ZNF827: variants seen among roughly 807,000 people sequenced by gnomAD.
The protein encoded by ZNF827 is zinc finger protein 827.
A neutral mutation model predicts 102.4 loss-of-function variants in ZNF827; 13 were observed. The observed-to-expected ratio is 0.13, with a 90% CI of 0.08 to 0.20. ZNF827 has a LOEUF of 0.20. Ranked by LOEUF, ZNF827 falls within the 10% of genes least tolerant of loss-of-function variation. The probability of loss-of-function intolerance (pLI) is 1.00; values close to 1 mark genes in which losing one functional copy is unlikely to be tolerated. For missense variants in ZNF827, 1,103 were observed against 1,344.4 expected (o/e 0.82, Z 2.81); for synonymous variants, 523 against 536.2 (o/e 0.98, Z 0.34).
intron 5 of ZNF827, among the ~76,000 whole-genome samples, chr4:145,863,050 T>C (rs1450072211): frequency 6.6e-6 from 1 of 152,000 alleles, no homozygotes; most frequent in African/African-American, 2.4e-5. Context: ...CACTCAAGAA[T>C]AAAAACAAAT....
intron 5 of ZNF827, among the ~76,000 whole-genome samples, chr4:145,858,134 A>AGTGTGTGT (rs10553157): frequency 6.8e-5 from 10 of 146,996 alleles, no homozygotes; most frequent in Non-Finnish European, 7.6e-5. Context: ...TGCATGTGTG[A>AGTGTGTGT]GTGTGTGTGT....
chr4:145,918,802 G>A (rs183924643), intron 1 of ZNF827, among the ~76,000 whole-genome samples: 1 of 152,298 alleles, frequency 6.6e-6, no homozygotes, highest in East Asian at 1.9e-4. Context: ...ATAAAGACAA[G>A]GAAGGGTTCC....
intron 4 of ZNF827, among the ~76,000 whole-genome samples, chr4:145,874,032 A>C (rs1344601577): frequency 2.0e-5 from 3 of 152,170 alleles, no homozygotes; most frequent in African/African-American, 7.2e-5. Flanking sequence ...AAAAAAAAAA[A>C]ACTATTGAGG....
At chr4:145,855,725 A>T (rs1346181054) in intron 5 of ZNF827, among the ~76,000 whole-genome samples, 1 of 152,228 alleles carries the variant, frequency 6.6e-6, no homozygotes, top group Non-Finnish European at 1.5e-5. Context: ...TTTATTCCAC[A>T]GAAGTCTGAA....
chr4:145,831,570 G>A, intron 7 of ZNF827: 1 of 152,200 alleles, frequency 6.6e-6, no homozygotes, highest in Non-Finnish European at 1.5e-5. Flanking sequence ...AGCTAAGATG[G>A]GTTTCCTCTC....
chr4:145,932,614 T>A lies in ZNF827; in HGVS notation c.43+5751A>T, dbSNP rs190001730. 5.3e-5 allele frequency among the ~76,000 whole-genome samples: 8 copies of A among 152,112 alleles called. No homozygotes were observed. In the East Asian group the frequency reaches 1.4e-3, roughly 26 times the overall value. On this transcript the variant is annotated intron_variant, in intron 1 of 14. Transcript: ENST00000508784. ...CTCAGCCTGCCGAGTAGCTGGGACC[T>A]CAGGCGCCCGCCACCACGCCCTGCT...
At chr4:145,926,234 GA>G (rs1444498153) in intron 1 of ZNF827, among the ~76,000 whole-genome samples, 1 of 152,176 alleles carries the variant, frequency 6.6e-6, no homozygotes, top group Non-Finnish European at 1.5e-5. Flanking sequence ...AATTTAGGAT[GA>G]ATAACAATTT....
At chr4:145,917,913 A>G (rs1366120437) in intron 1 of ZNF827, among the ~76,000 whole-genome samples, 1 of 152,044 alleles carries the variant, frequency 6.6e-6, no homozygotes, top group African/African-American at 2.4e-5. Flanking sequence ...ACATTCCCAC[A>G]TATTATAAGA....
chr4:145,930,701 T>A (rs940319225), intron 1 of ZNF827, among the ~76,000 whole-genome samples: 5 of 152,154 alleles, frequency 3.3e-5, no homozygotes, highest in Non-Finnish European at 5.9e-5. Context: ...GCACACTGAA[T>A]TTGCTGCATT....
intron 7 of ZNF827, chr4:145,831,152 T>G (rs1744173530): frequency 6.6e-6 from 1 of 152,084 alleles, no homozygotes; most frequent in Non-Finnish European, 1.5e-5. Context: ...GGATGGCAGG[T>G]TAGGGAATGT....
At chr4:145,895,440 G>T (rs1750904347) in intron 2 of ZNF827, among the ~76,000 whole-genome samples, 1 of 152,044 alleles carries the variant, frequency 6.6e-6, no homozygotes, top group African/African-American at 2.4e-5. Context: ...TACACAAGTT[G>T]GGTACAAATT....
chr4:145,853,615 C>CAA (rs200790274), intron 5 of ZNF827, among the ~76,000 whole-genome samples: 2 of 150,078 alleles, frequency 1.3e-5, no homozygotes, highest in African/African-American at 4.9e-5. Flanking sequence ...CACAAAAAAA[C>CAA]AAAAAAAAAC....
chr4:145,907,945 A>G (rs1427339434), intron 1 of ZNF827, among the ~76,000 whole-genome samples: 1 of 152,244 alleles, frequency 6.6e-6, no homozygotes, highest in African/African-American at 2.4e-5. Flanking sequence ...TGGGGAAAAC[A>G]AAACAAAATT....
chr4:145,813,029 T>C (rs915086144), intron 8 of ZNF827, among the ~76,000 whole-genome samples: 1 of 152,246 alleles, frequency 6.6e-6, no homozygotes, highest in Non-Finnish European at 1.5e-5. Context: ...CATCCCATTC[T>C]GTCCTACCTG....
chr4:145,929,757 T>C (rs183275849), intron 1 of ZNF827, among the ~76,000 whole-genome samples: 1 of 152,326 alleles, frequency 6.6e-6, no homozygotes, highest in East Asian at 1.9e-4. Flanking sequence ...TAATAATAAG[T>C]AATATTTATT....
intron 8 of ZNF827, among the ~76,000 whole-genome samples, chr4:145,815,801 T>C (rs973139560): frequency 2.6e-5 from 4 of 152,218 alleles, no homozygotes; most frequent in African/African-American, 7.2e-5. Context: ...CCATTACACA[T>C]ACTCAAGAAT....
At chr4:145,844,389 C>A (rs1445141259) in intron 7 of ZNF827, among the ~76,000 whole-genome samples, 1 of 151,588 alleles carries the variant, frequency 6.6e-6, no homozygotes, top group Non-Finnish European at 1.5e-5. Flanking sequence ...ACTATATAAA[C>A]CCAGTGTGAG....
chr4:145,774,615 T>A lies in ZNF827; in HGVS notation c.2751A>T (p.Ser917=), dbSNP rs1335253467. ...ELNVQFVSHM[S]LHVDKEQWMF... is the part of the protein sequence containing the mutation. ...TCCACTGCTCCTTGTCCACGTGGAG[T>A]GACATGTGGCTGACAAACTGGACAT... The change falls in exon 11 of 15, where the codon TCA becomes TCT. Residue 917 remains serine (S), a synonymous_variant. Coordinates refer to ENST00000508784, the MANE Select transcript of ZNF827 (RefSeq NM_001306215.2). 2 of 1,613,550 alleles carry A rather than the reference T, an allele frequency of 1.2e-6. No individual in the cohort carries two copies. The highest frequency in any genetic ancestry group is 1.1e-5 in the South Asian group (1 of 90,876).
intron 8 of ZNF827, among the ~76,000 whole-genome samples, chr4:145,804,411 G>A (rs980465705): frequency 2.0e-5 from 3 of 151,964 alleles, no homozygotes; most frequent in African/African-American, 7.2e-5. Flanking sequence ...CTGAAGAATG[G>A]TACAAGAACA....
Sources: gnomAD v4.1 joint callset for allele counts (sites outside exome capture counted in the v4.1 genomes callset) on GRCh38, gnomAD v4.1.1 for gene constraint, MANE v1.5 for transcripts, NCBI Gene and HGNC (gene_info 2026-07-23, HGNC 2026-07-21) for gene names.